Variants in MAP2K5 observed in about 807,000 individuals in gnomAD.
MAP2K5 encodes dual specificity mitogen-activated protein kinase kinase 5.
MAP2K5 carries 49 observed loss-of-function variants against 83.1 expected under a neutral mutation model. That is an observed-to-expected ratio of 0.59 (90% CI 0.47 to 0.75). MAP2K5 has a LOEUF of 0.75. MAP2K5 is among the 30% of genes least tolerant of loss of function. The pLI is 0.00. For missense variants in MAP2K5, 457 were observed against 557.5 expected, an observed-to-expected ratio of 0.82 and a Z score of 1.82; for synonymous variants, 202 against 191.8, an observed-to-expected ratio of 1.05 and a Z score of -0.44.
intron 11 of MAP2K5, among the ~76,000 whole-genome samples, chr15:67,653,164 T>C (rs920867236): frequency 6.6e-6 from 1 of 152,214 alleles, no homozygotes; most frequent in African/African-American, 2.4e-5. Flanking sequence ...TTATAATCCT[T>C]TTTATTTCTG....
intron 21 of MAP2K5, among the ~76,000 whole-genome samples, chr15:67,795,672 G>C (rs1468681260): frequency 6.6e-6 from 1 of 151,906 alleles, no homozygotes; most frequent in African/African-American, 2.4e-5. Context: ...CTCTTTGCTT[G>C]AAAAAAGTAT....
At chr15:67,745,597 G>C (rs961863745) in intron 17 of MAP2K5, among the ~76,000 whole-genome samples, 1 of 152,094 alleles carries the variant, frequency 6.6e-6, no homozygotes, top group Non-Finnish European at 1.5e-5. Context: ...TGGCAGTTCA[G>C]AATTTTAAAA....
rs530794293 is a variant in MAP2K5, at chr15:67,636,601, A to G, written c.585+5674A>G. On this transcript the variant is annotated intron_variant, in intron 9 of 21. Coordinates refer to ENST00000178640, the MANE Select transcript of MAP2K5 (RefSeq NM_145160.3). The surrounding 1 kb of genome is among the most constrained non-coding windows in gnomAD (Gnocchi z 4.7). Reference sequence around the variant, plus strand: ...GAAAAGCAAGTTTATTAAGAAAGTAAAGGAATAAGAGAATAGCTACTCTGC... The same window carrying G: ...GAAAAGCAAGTTTATTAAGAAAGTAGAGGAATAAGAGAATAGCTACTCTGC... Among the ~76,000 whole-genome samples, 16 of 152,152 alleles carry G rather than the reference A, an allele frequency of 1.1e-4. No homozygotes were observed. The South Asian group carries it at 3.3e-3, about 32-fold the overall frequency.
intron 13 of MAP2K5, among the ~76,000 whole-genome samples, chr15:67,673,425 A>G (rs2087597479): frequency 6.6e-6 from 1 of 152,170 alleles, no homozygotes. Flanking sequence ...TAAAAATGTT[A>G]TAAGAATATT....
Position 67,781,628 on chromosome 15 carries a change from T to C in MAP2K5, c.1242+8876T>C, listed in dbSNP as rs1400393440. ...CCAGTATCGTGGTTTACCGTTTCTC[T>C]GGTCTCTTCATATAAATGGTCACTG... On this transcript the variant is annotated intron_variant, in intron 21 of 21. Coordinates refer to ENST00000178640, the MANE Select transcript of MAP2K5 (RefSeq NM_145160.3). This position sits in a 1 kb window ranked among gnomAD's most constrained non-coding sequence, Gnocchi z 4.0. Among the ~76,000 whole-genome samples, 1 of 152,222 alleles carries C rather than the reference T, an allele frequency of 6.6e-6. No individual in the cohort carries two copies. The highest frequency in any genetic ancestry group is 6.5e-5 in the Admixed American group (1 of 15,288).
At chr15:67,710,639 G>T (rs2088668921) in intron 16 of MAP2K5, among the ~76,000 whole-genome samples, 1 of 151,892 alleles carries the variant, frequency 6.6e-6, no homozygotes, top group Non-Finnish European at 1.5e-5. Context: ...GAGTAGCTGG[G>T]ATCACAGGCA....
intron 4 of MAP2K5, among the ~76,000 whole-genome samples, chr15:67,584,000 C>A (rs1265637051): frequency 6.6e-6 from 1 of 152,094 alleles, no homozygotes; most frequent in Non-Finnish European, 1.5e-5. Flanking sequence ...CCTCCCACCA[C>A]CACTTCTCCA....
chr15:67,561,661 A>G lies in MAP2K5; in HGVS notation c.185-1622A>G, dbSNP rs1184732154. ...GCTTGGAAAGAAAACAAGTGCTTGGAAAGAGTGAGAGCTATGGGTCACTGA... is the reference window on the plus strand; with the variant it reads ...GCTTGGAAAGAAAACAAGTGCTTGGGAAGAGTGAGAGCTATGGGTCACTGA... On this transcript the variant is annotated intron_variant, in intron 2 of 21. Coordinates refer to ENST00000178640, the MANE Select transcript of MAP2K5 (RefSeq NM_145160.3). This position sits in a 1 kb window ranked among gnomAD's most constrained non-coding sequence, Gnocchi z 4.2. Among the ~76,000 whole-genome samples, 1 of 152,252 alleles carries G rather than the reference A, an allele frequency of 6.6e-6. No individual in the cohort carries two copies. The highest frequency in any genetic ancestry group is 1.9e-4 in the East Asian group (1 of 5,202).
At chr15:67,580,973 G>T (rs1237974510) in intron 4 of MAP2K5, 150 bp downstream of exon 4, 2 of 602,518 alleles carry the variant, frequency 3.3e-6, no homozygotes, top group Admixed American at 2.7e-5. Context: ...GGGGATTGCA[G>T]GCTATATTAT....
At position 67,644,442 on chromosome 15, in the gene MAP2K5, C is replaced by A. The variant is rs1019553490; in HGVS notation, c.586-1789C>A. ...AACAATTACTCTTGAATTAGTTTCACTGACATGCTTAGTAGAATTTGAACA... is the reference window on the plus strand; with the variant it reads ...AACAATTACTCTTGAATTAGTTTCAATGACATGCTTAGTAGAATTTGAACA... On this transcript the variant is annotated intron_variant, in intron 9 of 21. Transcript: ENST00000178640. This position sits in a 1 kb window ranked among gnomAD's most constrained non-coding sequence, Gnocchi z 4.6. Among the ~76,000 whole-genome samples, 6 of 152,052 alleles carry A rather than the reference C, an allele frequency of 3.9e-5. No homozygotes were observed. Among genetic ancestry groups the A allele is most frequent in the African/African-American group, 1.4e-4 (6 of 41,394 alleles).
intron 17 of MAP2K5, among the ~76,000 whole-genome samples, chr15:67,745,115 T>C (rs1007473166): frequency 6.6e-6 from 1 of 152,348 alleles, no homozygotes; most frequent in African/African-American, 2.4e-5. Flanking sequence ...ACAAAGTGTG[T>C]GACTGGAACA....
chr15:67,638,637 G>A lies in MAP2K5; in HGVS notation c.586-7594G>A, dbSNP rs1218236350. Among the ~76,000 whole-genome samples the A allele has an allele frequency of 6.6e-6, 1 of 152,166 alleles. No homozygotes were observed. Among genetic ancestry groups the A allele is most frequent in the African/African-American group, 2.4e-5 (1 of 41,434 alleles). ...GGTATTTCTGTTTTTAGGACTTTGAGGAATCACTGCACTGTCTTCCACAAT... is the reference window on the plus strand; with the variant it reads ...GGTATTTCTGTTTTTAGGACTTTGAAGAATCACTGCACTGTCTTCCACAAT... On this transcript the variant is annotated intron_variant, in intron 9 of 21. Coordinates refer to ENST00000178640, the MANE Select transcript of MAP2K5 (RefSeq NM_145160.3). The surrounding 1 kb of genome is among the most constrained non-coding windows in gnomAD (Gnocchi z 4.5).
intron 16 of MAP2K5, 100 bp downstream of exon 16, chr15:67,703,508 A>C: frequency 1.1e-6 from 1 of 942,290 alleles, no homozygotes; most frequent in Non-Finnish European, 1.7e-6. Context: ...ATAAACCTTC[A>C]GCATGTTATA....
intron 16 of MAP2K5, chr15:67,718,318 A>C (rs2088873845): frequency 6.6e-6 from 1 of 152,206 alleles, no homozygotes; most frequent in African/African-American, 2.4e-5. Context: ...TGTCATGATT[A>C]GGGGTGCCTG....
intron 7 of MAP2K5, among the ~76,000 whole-genome samples, chr15:67,596,345 C>G (rs1032587308): frequency 6.6e-6 from 1 of 152,002 alleles, no homozygotes; most frequent in Admixed American, 6.6e-5. Context: ...ACCCAGGAGG[C>G]AGAGGTTGCG....
In MAP2K5 at chr15:67,724,741, G is replaced by T. The variant is rs1327816468; in HGVS notation, c.1045-3175G>T. ...CACTGTAGCTGCATTAGACCTAGAG[G>T]GATAGAGGCATACATAGAAGGCAGC... On this transcript the variant is annotated intron_variant, in intron 16 of 21. Transcript: ENST00000178640. This position sits in a 1 kb window ranked among gnomAD's most constrained non-coding sequence, Gnocchi z 4.4. 1.3e-5 allele frequency among the ~76,000 whole-genome samples: 2 copies of T among 152,146 alleles called. No homozygotes were observed. The highest frequency in any genetic ancestry group is 6.5e-5 in the Admixed American group (1 of 15,272).
chr15:67,786,472 G>A lies in MAP2K5; in HGVS notation c.1242+13720G>A, dbSNP rs1333355255. ...TGAGGTGCCATGATGGGTTCAGAAAGAATATAAGAAAGACCTATGTCTCAG... is the reference window on the plus strand; with the variant it reads ...TGAGGTGCCATGATGGGTTCAGAAAAAATATAAGAAAGACCTATGTCTCAG... On this transcript the variant is annotated intron_variant, in intron 21 of 21. Coordinates refer to ENST00000178640, the MANE Select transcript of MAP2K5 (RefSeq NM_145160.3). The surrounding 1 kb of genome is among the most constrained non-coding windows in gnomAD (Gnocchi z 4.7). 6.6e-6 allele frequency among the ~76,000 whole-genome samples: 1 copy of A among 150,700 alleles called. No individual in the cohort carries two copies. The highest frequency in any genetic ancestry group is 1.5e-5 in the Non-Finnish European group (1 of 67,362).
chr15:67,697,969 C>T (rs1434932382), intron 15 of MAP2K5, among the ~76,000 whole-genome samples: 1 of 152,162 alleles, frequency 6.6e-6, no homozygotes, highest in Non-Finnish European at 1.5e-5. Flanking sequence ...TTGATCCAAC[C>T]TCCCCATTGA....
At chr15:67,568,245 G>GT (rs1228343619) in intron 3 of MAP2K5, among the ~76,000 whole-genome samples, 1 of 152,178 alleles carries the variant, frequency 6.6e-6, no homozygotes, top group African/African-American at 2.4e-5. Context: ...TAAGTGAAGT[G>GT]TAAGTATTCC....
Sources: gnomAD v4.1 joint callset for allele counts (sites outside exome capture counted in the v4.1 genomes callset) on GRCh38, gnomAD v4.1.1 for gene constraint, Gnocchi (gnomAD v3.1) non-coding constraint, MANE v1.5 for transcripts, NCBI Gene and HGNC (gene_info 2026-07-23, HGNC 2026-07-21) for gene names.